FLT1: variants seen among roughly 807,000 people sequenced by gnomAD.
FLT1 encodes the protein vascular endothelial growth factor receptor 1.
In FLT1, 49 loss-of-function variants were observed where a neutral mutation model predicts 156.3. The observed-to-expected ratio is 0.31, with a 90% CI of 0.25 to 0.40. FLT1 has a LOEUF of 0.40. FLT1 is among the 10% of genes least tolerant of loss of function. The pLI is 1.00. For synonymous variants in FLT1, 594 were observed against 583.8 expected (o/e 1.02, Z -0.25); for missense variants, 1,322 against 1,637.2 (o/e 0.81, Z 3.32).
chr13:28,318,170 T>A (rs184253803), intron 24 of FLT1, among the ~76,000 whole-genome samples: 1 of 152,118 alleles, frequency 6.6e-6, no homozygotes, highest in Non-Finnish European at 1.5e-5. Flanking sequence ...ATAGGCTACA[T>A]AGGAATCATT....
chr13:28,474,450 T>C (rs1880424308), intron 1 of FLT1, among the ~76,000 whole-genome samples: 1 of 141,320 alleles, frequency 7.1e-6, no homozygotes, highest in African/African-American at 2.8e-5. Context: ...AAACTCTGTC[T>C]CAAAAACAAA....
chr13:28,396,923 C>A (rs149692502), intron 12 of FLT1, 37 bp downstream of exon 12: 4 of 1,182,738 alleles, frequency 3.4e-6, no homozygotes, highest in Non-Finnish European at 5.1e-6. Flanking sequence ...AGAATGAAGT[C>A]ACCAGGCTGT....
At chr13:28,309,423 G>T (rs758672891) in intron 27 of FLT1, among the ~76,000 whole-genome samples, 1 of 152,070 alleles carries the variant, frequency 6.6e-6, no homozygotes, top group Non-Finnish European at 1.5e-5. Context: ...GGGAGAATTG[G>T]GTAGTGTTGT....
At chr13:28,412,783 C>A (rs923086608) in intron 10 of FLT1, among the ~76,000 whole-genome samples, 14 of 138,538 alleles carry the variant, frequency 1.0e-4, no homozygotes, top group South Asian at 2.3e-4. Context: ...GTCGCCCAGG[C>A]TGGAGTGCAG....
chr13:28,460,490 G>A (rs1879505409), intron 3 of FLT1, among the ~76,000 whole-genome samples: 2 of 152,124 alleles, frequency 1.3e-5, no homozygotes, highest in Admixed American at 1.3e-4. Flanking sequence ...CCTGTTGGTG[G>A]AAACTCCTGG....
chr13:28,307,097 A>G (rs757974957), intron 28 of FLT1, among the ~76,000 whole-genome samples: 6 of 152,208 alleles, frequency 3.9e-5, no homozygotes, highest in Non-Finnish European at 8.8e-5. Flanking sequence ...ACTAAAACTA[A>G]TTTGGCAGAT....
Position 28,322,645 on chromosome 13 carries a change from A to G in FLT1, c.2953+145T>C. On this transcript the variant is annotated intron_variant, in intron 21 of 29. Coordinates refer to ENST00000282397, the MANE Select transcript of FLT1 (RefSeq NM_002019.4). The surrounding 1 kb of genome is among the most constrained non-coding windows in gnomAD (Gnocchi z 4.3). ...ATTAGTAACTCTGTAAATTATCTTA[A>G]TTCAAATCTTATCTCCTCAGGACAT... 1 of 828,508 alleles carries G rather than the reference A, an allele frequency of 1.2e-6. No individual in the cohort carries two copies. Among genetic ancestry groups the G allele is most frequent in the South Asian group, 1.4e-5 (1 of 70,826 alleles). The allele number at this position is 828,508 out of a possible 1,614,324, so 51.3% of individuals were successfully genotyped here. A position where few individuals can be genotyped will look rare whatever the true frequency, so the allele number is the denominator to read the frequency against.
intron 14 of FLT1, among the ~76,000 whole-genome samples, chr13:28,365,215 C>A (rs1329819587): frequency 6.6e-6 from 1 of 151,954 alleles, no homozygotes; most frequent in Non-Finnish European, 1.5e-5. Flanking sequence ...AAATATCATG[C>A]TTTTCTTTAG....
chr13:28,303,220 A>G lies in FLT1; in HGVS notation c.3964T>C (p.Ser1322Pro), dbSNP rs778804579. 6.2e-7 allele frequency: 1 copy of G among 1,612,660 alleles called. No individual in the cohort carries two copies. The highest frequency in any genetic ancestry group is 2.2e-5 in the East Asian group (1 of 44,836). ...ACCGAGTTGTAGTCTGGGGGCGGGG[A>G]GCAGCACGCGATTTTCCTTTCCAGC... ...AELERKIACC[S>P]PPPDYNSVVL... The change falls in exon 30 of 30, where the codon TCC (serine) becomes CCC (proline). Residue 1322 changes from serine to proline, a missense_variant. By Grantham distance (74) the Ser-to-Pro change is moderately conservative. This residue lies in a region of FLT1 where 329 missense variants were observed against 366.2 expected (regional missense o/e 0.90). Transcript: ENST00000282397.
intron 20 of FLT1, among the ~76,000 whole-genome samples, chr13:28,325,839 G>T (rs1004486840): frequency 8.6e-5 from 7 of 81,254 alleles, no homozygotes; most frequent in East Asian, 9.1e-4. Context: ...AAAAAAAAAA[G>T]GTTCTTATTA....
At chr13:28,444,839 T>C (rs1439204499) in intron 3 of FLT1, among the ~76,000 whole-genome samples, 1 of 58,726 alleles carries the variant, frequency 1.7e-5, no homozygotes, top group Non-Finnish European at 3.7e-5. Context: ...AGACACAGCA[T>C]ACTAAAATTT....
chr13:28,340,221 A>G (rs1044991207), intron 16 of FLT1, among the ~76,000 whole-genome samples: 2 of 152,080 alleles, frequency 1.3e-5, no homozygotes, highest in Non-Finnish European at 2.9e-5. Context: ...TCTTAAAAAA[A>G]AAAAAAAAAG....
intron 14 of FLT1, among the ~76,000 whole-genome samples, chr13:28,358,353 C>G (rs1269362718): frequency 2.6e-5 from 4 of 152,210 alleles, no homozygotes; most frequent in Admixed American, 2.6e-4. Flanking sequence ...AGCTTTGTCA[C>G]TTAGGCAAGT....
chr13:28,399,057 T>A lies in FLT1; in HGVS notation c.1552-1989A>T, dbSNP rs764998325. 8.4e-6 allele frequency: 13 copies of A among 1,550,632 alleles called. No individual in the cohort carries two copies. In the Middle Eastern group the frequency reaches 1.8e-3, roughly 219 times the overall value. ...ACCCGTTTAGAGTCACGGAAGGAAA[T>A]GGAAGTAGTTGGAAGAGAAGCTTGT... On this transcript the variant is annotated intron_variant, in intron 11 of 29. Coordinates refer to ENST00000282397, the MANE Select transcript of FLT1 (RefSeq NM_002019.4).
chr13:28,303,270 C>G lies in FLT1; in HGVS notation c.3914G>C (p.Arg1305Pro). ...SSCGHVSEGK[R>P]RFTYDHAELE... ...CTCAGCGTGGTCGTAGGTGAACCTG[C>G]GCTTGCCTTCGCTGACGTGCCCACA... The change falls in exon 30 of 30, where the codon CGC becomes CCC. Residue 1305 changes from arginine to proline, a missense_variant. By Grantham distance (103) the Arg-to-Pro change is moderately radical (BLOSUM62 -2). This residue lies in a region of FLT1 where 329 missense variants were observed against 366.2 expected (regional missense o/e 0.90). Coordinates refer to ENST00000282397, the MANE Select transcript of FLT1 (RefSeq NM_002019.4). The G allele has an allele frequency of 6.2e-7, 1 of 1,613,998 alleles. No homozygotes were observed. Among genetic ancestry groups the G allele is most frequent in the Non-Finnish European group, 8.5e-7 (1 of 1,180,006 alleles).
intron 17 of FLT1, 99 bp from the exon 18 acceptor site, chr13:28,334,228 G>C: frequency 1.2e-6 from 1 of 826,318 alleles, no homozygotes; most frequent in Admixed American, 1.7e-5. Flanking sequence ...GTGCATGTGA[G>C]GCATGGAATC....
chr13:28,322,392 T>C lies in FLT1; in HGVS notation c.2954-33A>G, dbSNP rs1317217510. On this transcript the variant is annotated intron_variant, in intron 21 of 29. Transcript: ENST00000282397. The surrounding 1 kb of genome is among the most constrained non-coding windows in gnomAD (Gnocchi z 4.3). The stretch of plus-strand genomic sequence containing the variant: ...GCATTAGAACCGTAACTGTTTGTAA[T>C]GGCTCTTGTTATCCCACCAAATCCC... The C allele has an allele frequency of 4.4e-6, 6 of 1,363,928 alleles. No individual in the cohort carries two copies. The highest frequency in any genetic ancestry group is 6.3e-6 in the Non-Finnish European group (6 of 952,158). 84.5% of individuals were successfully genotyped at this position (1,363,928 alleles called of 1,614,324 possible). A position where few individuals can be genotyped will look rare whatever the true frequency, so the allele number is the denominator to read the frequency against.
At chr13:28,381,741 C>T (rs539009762) in intron 14 of FLT1, among the ~76,000 whole-genome samples, 13 of 152,254 alleles carry the variant, frequency 8.5e-5, no homozygotes, top group African/African-American at 2.9e-4. Flanking sequence ...CACTTTACCT[C>T]TTTGAGCCTA....
intron 14 of FLT1, among the ~76,000 whole-genome samples, chr13:28,383,370 A>T (rs540060878): frequency 6.6e-6 from 1 of 152,310 alleles, no homozygotes; most frequent in East Asian, 1.9e-4. Flanking sequence ...TCAGGTATTA[A>T]AAGTAACCTA....
Sources: allele counts gnomAD v4.1 joint callset (sites outside exome capture counted in the v4.1 genomes callset), GRCh38; gene constraint gnomAD v4.1.1; regional missense constraint gnomAD v4.1.1; non-coding constraint Gnocchi (gnomAD v3.1); transcripts MANE v1.5; gene names NCBI Gene and HGNC (gene_info 2026-07-23, HGNC 2026-07-21).